The following DNAH11 variants were observed in gnomAD, a reference collection of about 807,000 sequenced individuals.
The protein encoded by DNAH11 is axonemal beta dynein heavy chain 11.
DNAH11 carries 442 observed loss-of-function variants against 526.0 expected under a neutral mutation model. The observed-to-expected ratio is 0.84, with a 90% CI of 0.78 to 0.91. The LOEUF is 0.91. Among genes scored for constraint, DNAH11 ranks in the 40% least tolerant of loss-of-function variants. The pLI is 0.00. For synonymous variants in DNAH11, 2,461 were observed against 1,935.9 expected (o/e 1.27, Z -7.12); for missense variants, 6,989 against 5,448.7 (o/e 1.28, Z -8.90).
At chr7:21,561,456 A>G in intron 5 of DNAH11, 1 of 264,984 alleles carries the variant, frequency 3.8e-6, no homozygotes, top group Non-Finnish European at 7.0e-6. Context: ...TTAAAAAAAA[A>G]AAATAAGTCT....
rs1435156846 is a variant in DNAH11, at chr7:21,873,302, G to C, written c.11996G>C (p.Gly3999Ala). 1 of 1,602,032 alleles carries C rather than the reference G, an allele frequency of 6.2e-7. No homozygotes were observed. The change falls in exon 74 of 82, where the codon GGA becomes GCA. Residue 3999 changes from glycine to alanine, a missense_variant. Gly to Ala is a moderately conservative substitution (Grantham distance 60). Coordinates refer to ENST00000409508, the MANE Select transcript of DNAH11 (RefSeq NM_001277115.2). Reference sequence around the variant, plus strand: ...GTTCATTTGGTAGCCAAGTGGCTAGGAACCTTGGAGAAGCTCCTTGAAAGA... The same window carrying C: ...GTTCATTTGGTAGCCAAGTGGCTAGCAACCTTGGAGAAGCTCCTTGAAAGA... ...QNVHLVAKWL[G>A]TLEKLLERFS...
rs1784134123 is a variant in DNAH11 at position 21,577,322 on chromosome 7, GCC to G, written c.1594-4582_1594-4581del. Among the ~76,000 whole-genome samples, 4 of 152,206 alleles carry G rather than the reference GCC, an allele frequency of 2.6e-5. No homozygotes were observed. The South Asian group carries it at 8.3e-4, about 32-fold the overall frequency. ...CTTGCCAGGAAGAGCTGAGTGGGGA[GCC>G]TAGACTTACACCCTTTCTGTCTGAA... On this transcript the variant is annotated intron_variant, in intron 8 of 81. Transcript: ENST00000409508.
chr7:21,659,002 A>G lies in DNAH11; in HGVS notation c.5299A>G (p.Thr1767Ala). The change falls in exon 30 of 82, where the codon ACA (threonine) becomes GCA (alanine). Residue 1767 changes from threonine (T) to alanine (A), a missense_variant. Physicochemically the swap from Thr to Ala is moderately conservative, Grantham distance 58. Coordinates refer to ENST00000409508, the MANE Select transcript of DNAH11 (RefSeq NM_001277115.2). ...AFSRLEEGYETALKDFHKKQI... is the reference protein window; with the variant it reads ...AFSRLEEGYEAALKDFHKKQI... ...CAGTAGACTGGAAGAAGGCTACGAA[A>G]CAGCCCTGAAGGATTTCCATAAAAA... 1 of 1,605,706 alleles carries G rather than the reference A, an allele frequency of 6.2e-7. No individual in the cohort carries two copies. Among genetic ancestry groups the G allele is most frequent in the Non-Finnish European group, 8.5e-7 (1 of 1,176,114 alleles).
rs141170162 is a variant in DNAH11 at position 21,606,367 on chromosome 7, T to C, written c.3649-59T>C. 251 of 1,294,686 alleles carry C rather than the reference T, an allele frequency of 1.9e-4. 1 individual carries two copies. In the East Asian group the frequency reaches 4.5e-3, roughly 23 times the overall value. The allele number at this position is 1,294,686 out of a possible 1,614,324, so 80.2% of individuals were successfully genotyped here. On this transcript the variant is annotated intron_variant, in intron 18 of 81. Coordinates refer to ENST00000409508, the MANE Select transcript of DNAH11 (RefSeq NM_001277115.2). ...AAGAAATTAGAGTCATTTAATCCTA[T>C]AGGGTTGATTTGTTTTAGGAATTGA... is the stretch of plus-strand genomic sequence containing the variant.
intron 2 of DNAH11, among the ~76,000 whole-genome samples, chr7:21,550,395 T>G (rs1583473303): frequency 6.6e-6 from 1 of 152,148 alleles, no homozygotes; most frequent in Non-Finnish European, 1.5e-5. Context: ...ATATGGCCAG[T>G]ATATAATGTC....
In DNAH11 at chr7:21,616,284, T is replaced by C. The variant is rs1229268118; in HGVS notation, c.4087T>C (p.Phe1363Leu). 6.2e-7 allele frequency: 1 copy of C among 1,611,810 alleles called. No homozygotes were observed. The highest frequency in any genetic ancestry group is 8.5e-7 in the Non-Finnish European group (1 of 1,178,704). ...ACAGATGGATGTAGAACTCAGAAGG[T>C]TTGCCAAGGCGAGTTCCATAACTGT... ...VEQMDVELRR[F>L]AKEIWSLNKE... Residue 1363 changes from phenylalanine to leucine, a missense_variant, in exon 22 of 82, where the codon TTT (phenylalanine) becomes CTT (leucine). Physicochemically the swap from Phe to Leu is conservative, Grantham distance 22. Coordinates refer to ENST00000409508, the MANE Select transcript of DNAH11 (RefSeq NM_001277115.2).
intron 54 of DNAH11, among the ~76,000 whole-genome samples, chr7:21,759,956 C>T (rs966707223): frequency 2.6e-5 from 4 of 152,258 alleles, no homozygotes; most frequent in East Asian, 1.9e-4. Flanking sequence ...GCAGGAAGTA[C>T]GTAGATGGTG....
chr7:21,553,121 G>A (rs562493460), intron 2 of DNAH11, among the ~76,000 whole-genome samples: 1 of 52,144 alleles, frequency 1.9e-5, no homozygotes, highest in East Asian at 4.9e-4. Context: ...GGTTGTTTTA[G>A]TTTAATTTGT....
intron 41 of DNAH11, 109 bp from the exon 42 acceptor site, chr7:21,711,603 A>T: frequency 6.9e-7 from 1 of 1,441,708 alleles, no homozygotes; most frequent in South Asian, 1.6e-5. Context: ...CTGATTCAGG[A>T]GAGTGAGCAC....
intron 65 of DNAH11, among the ~76,000 whole-genome samples, chr7:21,837,390 C>T (rs1364855297): frequency 6.6e-6 from 1 of 152,130 alleles, no homozygotes; most frequent in African/African-American, 2.4e-5. Flanking sequence ...GAATACTACT[C>T]AGTCATAAAA....
chr7:21,900,226 C>T, intron 81 of DNAH11, 106 bp downstream of exon 81: 1 of 1,207,252 alleles, frequency 8.3e-7, no homozygotes, highest in Non-Finnish European at 1.1e-6. Context: ...CACACAGTAA[C>T]CTTATGCTAG....
At chr7:21,890,484 T>C (rs1453256552) in intron 76 of DNAH11, among the ~76,000 whole-genome samples, 1 of 152,250 alleles carries the variant, frequency 6.6e-6, no homozygotes, top group Non-Finnish European at 1.5e-5. Flanking sequence ...TTTTTAACTT[T>C]TTGATTTATT....
Position 21,559,427 on chromosome 7 carries a change from T to A in DNAH11, c.693-176T>A, listed in dbSNP as rs565661256. ...ACAGTGTTTTTTGAGGTTAGAGATA[T>A]GTCACTGACAGAATAACGTAACCCC... On this transcript the variant is annotated intron_variant, in intron 3 of 81. Transcript: ENST00000409508. Among the ~76,000 whole-genome samples, 6 of 152,332 alleles carry A rather than the reference T, an allele frequency of 3.9e-5. No individual in the cohort carries two copies. In the East Asian group the frequency reaches 7.7e-4, roughly 20 times the overall value.
Position 21,620,085 on chromosome 7 carries a change from T to C in DNAH11, c.4500+7T>C. ...AACTCTAGAGCACAACCAAGTAAGATGGATATTTTTATTGCATATATTTTT... is the reference window on the plus strand; with the variant it reads ...AACTCTAGAGCACAACCAAGTAAGACGGATATTTTTATTGCATATATTTTT... On this transcript the variant is annotated splice_region_variant and intron_variant, in intron 25 of 81. Coordinates refer to ENST00000409508, the MANE Select transcript of DNAH11 (RefSeq NM_001277115.2). 1 of 1,566,662 alleles carries C rather than the reference T, an allele frequency of 6.4e-7. No homozygotes were observed. Among genetic ancestry groups the C allele is most frequent in the Non-Finnish European group, 8.6e-7 (1 of 1,160,084 alleles).
chr7:21,733,800 T>C (rs1483709377), intron 45 of DNAH11, among the ~76,000 whole-genome samples: 1 of 152,192 alleles, frequency 6.6e-6, no homozygotes, highest in African/African-American at 2.4e-5. Flanking sequence ...AATGCAATCC[T>C]TACATCAACC....
intron 25 of DNAH11, among the ~76,000 whole-genome samples, chr7:21,624,156 G>A (rs1786217966): frequency 6.6e-6 from 1 of 152,004 alleles, no homozygotes; most frequent in Admixed American, 6.6e-5. Context: ...ATAGCAGGTA[G>A]TGTGAACATT....
At chr7:21,818,067 G>GT (rs749752324) in intron 64 of DNAH11, 150 bp from the exon 65 acceptor site, 4 of 662,328 alleles carry the variant, frequency 6.0e-6, no homozygotes, top group Non-Finnish European at 2.4e-6. Flanking sequence ...GTGTAATCTA[G>GT]TGGAAGGGAA....
At chr7:21,663,503 T>C (rs1782314115) in intron 30 of DNAH11, among the ~76,000 whole-genome samples, 1 of 152,136 alleles carries the variant, frequency 6.6e-6, no homozygotes, top group African/African-American at 2.4e-5. Context: ...TTGTTGGTCT[T>C]TTTAATAGCC....
intron 65 of DNAH11, among the ~76,000 whole-genome samples, chr7:21,839,971 T>G (rs915646059): frequency 2.0e-5 from 3 of 152,234 alleles, no homozygotes; most frequent in African/African-American, 7.2e-5. Flanking sequence ...ATTTTAATTT[T>G]TAAATAGTCT....
Sources: gnomAD v4.1 joint callset for allele counts (sites outside exome capture counted in the v4.1 genomes callset) on GRCh38, gnomAD v4.1.1 for gene constraint, MANE v1.5 for transcripts, NCBI Gene and HGNC (gene_info 2026-07-23, HGNC 2026-07-21) for gene names.